Variants in ANXA4 observed in about 807,000 individuals in gnomAD.
ANXA4 encodes 35-beta calcimedin.
Under a neutral mutation model 49.8 loss-of-function variants are expected in ANXA4, and 39 were observed. That is an observed-to-expected ratio of 0.78 (90% CI 0.61 to 1.02). ANXA4 has a LOEUF of 1.02. Ranked by LOEUF, ANXA4 falls within the 50% of genes least tolerant of loss-of-function variation. ANXA4 has a pLI of 0.00. For synonymous variants in ANXA4, 134 were observed against 152.5 expected, an observed-to-expected ratio of 0.88 and a Z score of 0.89; for missense variants, 360 against 410.1, an observed-to-expected ratio of 0.88 and a Z score of 1.05.
intron 3 of ANXA4, among the ~76,000 whole-genome samples, chr2:69,798,774 G>T (rs888423862): frequency 1.9e-4 from 29 of 152,146 alleles, no homozygotes; most frequent in African/African-American, 6.5e-4. Flanking sequence ...AGTAGAGTCC[G>T]CTCCTTTACT....
At chr2:69,662,914 T>C (rs995909096) in intron 2 of ANXA4, among the ~76,000 whole-genome samples, 2 of 152,112 alleles carry the variant, frequency 1.3e-5, no homozygotes, top group African/African-American at 4.8e-5. Flanking sequence ...TCCTAAATAC[T>C]GCATGAGACA....
At chr2:69,668,291 G>A (rs1179505715) in intron 2 of ANXA4, among the ~76,000 whole-genome samples, 3 of 152,130 alleles carry the variant, frequency 2.0e-5, no homozygotes. Flanking sequence ...GAATGAGTCA[G>A]AGAACATAGA....
In ANXA4 at chr2:69,672,223, T is replaced by TTTTATTTA. The variant is rs142289857; in HGVS notation, n.766+18960_766+18967dup. 6.7e-3 allele frequency among the ~76,000 whole-genome samples: 1,015 copies of TTTTATTTA among 151,936 alleles called. 18 individuals are homozygous for TTTTATTTA. Among genetic ancestry groups the TTTTATTTA allele is most frequent in the East Asian group, 0.01 (53 of 5,176 alleles). On this transcript the variant is annotated intron_variant and non_coding_transcript_variant, in intron 2 of 3. Transcript: ENST00000418066. The stretch of plus-strand genomic sequence containing the variant: ...AAAAAATTATGTACTTTATTATGTA[T>TTTTATTTA]TTTATTTATTTATTTATTTATTTAT...
intron 3 of ANXA4, among the ~76,000 whole-genome samples, chr2:69,735,545 G>C (rs1029074126): frequency 6.6e-6 from 1 of 152,002 alleles, no homozygotes; most frequent in Admixed American, 6.6e-5. Context: ...TGGCTGCTGT[G>C]CAGTAAGCAG....
intron 5 of ANXA4, among the ~76,000 whole-genome samples, chr2:69,807,114 A>G (rs1408791217): frequency 1.3e-5 from 2 of 152,234 alleles, no homozygotes; most frequent in African/African-American, 2.4e-5. Flanking sequence ...ATTACTTTAC[A>G]TTATACCAAT....
At position 69,818,544 on chromosome 2, in the gene ANXA4, T is replaced by G. The variant is rs184254253; in HGVS notation, c.629-55T>G. The G allele has an allele frequency of 2.6e-4, 300 of 1,169,544 alleles. 1 individual carries two copies. The East Asian group carries it at 7.2e-3, about 28-fold the overall frequency. 72.4% of individuals were successfully genotyped at this position (1,169,544 alleles called of 1,614,324 possible). ...TAAAAATGCTCATTCTCTCCATAAA[T>G]TTTAGTTTCCTCTGTTTTTTCTTCC... On this transcript the variant is annotated intron_variant, in intron 9 of 12. Transcript: ENST00000394295.
chr2:69,778,475 C>T (rs1454011095), intron 1 of ANXA4, among the ~76,000 whole-genome samples: 2 of 152,038 alleles, frequency 1.3e-5, no homozygotes, highest in Non-Finnish European at 2.9e-5. Context: ...GTATATCTGG[C>T]ATTTAGAAAG....
chr2:69,658,109 A>C (rs1024039355), intron 2 of ANXA4, among the ~76,000 whole-genome samples: 2 of 152,098 alleles, frequency 1.3e-5, no homozygotes, highest in African/African-American at 4.8e-5. Context: ...AAAAGCAAAA[A>C]AAAATAGGCG....
intron 4 of ANXA4, 78 bp from the exon 5 acceptor site, chr2:69,806,307 C>T (rs1201152556): frequency 1.3e-5 from 13 of 1,016,722 alleles, no homozygotes; most frequent in Admixed American, 3.7e-5. Context: ...AGACCCCAGA[C>T]ATCCCTGGAC....
chr2:69,759,800 A>G (rs1481057766), intron 1 of ANXA4, among the ~76,000 whole-genome samples: 2 of 152,180 alleles, frequency 1.3e-5, no homozygotes, highest in East Asian at 1.9e-4. Context: ...TTAAAATTAA[A>G]TAAAGATTAA....
At chr2:69,651,458 T>C (rs1426021604) in intron 1 of ANXA4, among the ~76,000 whole-genome samples, 1 of 152,226 alleles carries the variant, frequency 6.6e-6, no homozygotes, top group Non-Finnish European at 1.5e-5. Context: ...CCTCAATCTG[T>C]ATACTTCATA....
intron 3 of ANXA4, among the ~76,000 whole-genome samples, chr2:69,790,598 T>C (rs1362351029): frequency 6.6e-6 from 1 of 152,116 alleles, no homozygotes. Context: ...CTGCTGTAAG[T>C]GGGTATATGG....
Position 69,806,398 on chromosome 2 carries a change from A to T in ANXA4, c.206A>T (p.Asp69Val). 2.5e-6 allele frequency: 4 copies of T among 1,613,938 alleles called. No homozygotes were observed. The highest frequency in any genetic ancestry group is 3.4e-6 in the Non-Finnish European group (4 of 1,179,806). ...KSTIGRDLID[D>V]LKSELSGNFE... ...CTTGCATTGCAGGACTTGATAGACG[A>T]CCTGAAGTCAGAACTGAGTGGCAAC... The change falls in exon 5 of 13, where the codon GAC (aspartate) becomes GTC (valine). Residue 69 changes from aspartate to valine, a missense_variant. By Grantham distance (152) the Asp-to-Val change is radical (BLOSUM62 -3). Coordinates refer to ENST00000394295, the MANE Select transcript of ANXA4 (RefSeq NM_001153.5).
At chr2:69,792,610 T>G (rs958913445) in intron 3 of ANXA4, among the ~76,000 whole-genome samples, 5 of 149,550 alleles carry the variant, frequency 3.3e-5, no homozygotes, top group Non-Finnish European at 5.9e-5. Flanking sequence ...ATTTTTACAG[T>G]TTTTTTTTAC....
At chr2:69,788,338 G>A (rs544398691) in intron 3 of ANXA4, among the ~76,000 whole-genome samples, 197 bp downstream of exon 3, 2 of 152,186 alleles carry the variant, frequency 1.3e-5, no homozygotes, top group Non-Finnish European at 2.9e-5. Flanking sequence ...CCACAAGTTC[G>A]AGACAAGCCT....
At chr2:69,664,932 G>A (rs573576673) in intron 2 of ANXA4, among the ~76,000 whole-genome samples, 5 of 152,146 alleles carry the variant, frequency 3.3e-5, no homozygotes, top group East Asian at 1.9e-4. Context: ...GCAAAACCCC[G>A]TGTCTACTAA....
At chr2:69,696,016 G>T (rs1184972932) in intron 2 of ANXA4, among the ~76,000 whole-genome samples, 2 of 152,176 alleles carry the variant, frequency 1.3e-5, no homozygotes, top group African/African-American at 4.8e-5. Context: ...CAGGGTGGTG[G>T]TTGCTGAAGG....
intron 1 of ANXA4, among the ~76,000 whole-genome samples, chr2:69,778,757 G>A (rs4852333): frequency 0.34 from 42,743 of 125,208 alleles, 7,732 homozygotes; most frequent in Admixed American, 0.51. Context: ...CCTGGGCAAC[G>A]AGAGTGAAAC....
In ANXA4 at chr2:69,797,676, G is replaced by T. The variant is rs995934177; in HGVS notation, c.98-6857G>T. Among the ~76,000 whole-genome samples, 4 of 152,194 alleles carry T rather than the reference G, an allele frequency of 2.6e-5. No individual in the cohort carries two copies. The South Asian group carries it at 8.3e-4, about 32-fold the overall frequency. ...GCCATTCTAGTTGTAGGCAGAATGG[G>T]TGTCTTCAGAGAACGTAAGGGTCAA... On this transcript the variant is annotated intron_variant, in intron 3 of 12. Coordinates refer to ENST00000394295, the MANE Select transcript of ANXA4 (RefSeq NM_001153.5).
Sources: allele counts gnomAD v4.1 joint callset (sites outside exome capture counted in the v4.1 genomes callset), GRCh38; gene constraint gnomAD v4.1.1; transcripts MANE v1.5; gene names NCBI Gene and HGNC (gene_info 2026-07-23, HGNC 2026-07-21).